CCDC134: variants seen among roughly 807,000 people sequenced by gnomAD.
CCDC134 encodes the protein coiled-coil domain containing 134.
In CCDC134, 27 loss-of-function variants were observed where a neutral mutation model predicts 25.6. That is an observed-to-expected ratio of 1.05 (90% CI 0.78 to 1.45). The LOEUF is 1.45. Ranked by LOEUF, CCDC134 falls within the 40% of genes most tolerant of loss-of-function variation. The pLI is 0.00. For missense variants in CCDC134, 261 were observed against 286.7 expected, an observed-to-expected ratio of 0.91 and a Z score of 0.65; for synonymous variants, 110 against 115.0, an observed-to-expected ratio of 0.96 and a Z score of 0.28.
At chr22:41,809,838 C>T in intron 2 of CCDC134, 41 bp from the exon 3 acceptor site, 1 of 1,612,270 alleles carries the variant, frequency 6.2e-7, no homozygotes, top group South Asian at 1.1e-5. Flanking sequence ...ATTGTCCAGG[C>T]AGGGCTATTG....
At chr22:41,804,621 G>C (rs1035177138) in intron 1 of CCDC134, among the ~76,000 whole-genome samples, 1 of 152,162 alleles carries the variant, frequency 6.6e-6, no homozygotes, top group Non-Finnish European at 1.5e-5. Flanking sequence ...TTACTTAACA[G>C]TCTTAAGGTT....
At chr22:41,820,445 G>A (rs558190510) in intron 6 of CCDC134, among the ~76,000 whole-genome samples, 48 of 152,286 alleles carry the variant, frequency 3.2e-4, no homozygotes, top group African/African-American at 9.1e-4. Context: ...GATTACAGGC[G>A]CAGACTTACC....
rs200799534 is a variant in CCDC134 at position 41,827,513 on chromosome 22, TA to T, written c.*1691del. 8.5e-3 allele frequency among the ~76,000 whole-genome samples: 1,299 copies of T among 152,244 alleles called. 15 individuals carry two copies. Among genetic ancestry groups the T allele is most frequent in the African/African-American group, 0.029 (1,196 of 41,522 alleles). ...TGAAGGGTTTTACTGAGAATGAAAG[TA>T]TACTCCACAGCATGGGAGAGGGCCT... On this transcript the variant is annotated 3_prime_UTR_variant, in exon 7 of 7. Coordinates refer to ENST00000255784, the MANE Select transcript of CCDC134 (RefSeq NM_024821.5).
intron 1 of CCDC134, 62 bp from the exon 2 acceptor site, chr22:41,808,813 A>C: frequency 7.7e-7 from 1 of 1,298,784 alleles, no homozygotes; most frequent in Non-Finnish European, 1.1e-6. Flanking sequence ...TCACCTGTGC[A>C]CTCTATTTTA....
In CCDC134 at chr22:41,831,866, G is replaced by T. The variant is rs926883354; in HGVS notation, c.*6043G>T. Reference sequence around the variant, plus strand: ...GAACCATTTGTTTCCCTGCCACAGAGATGTTCAATAAATATTGTCAATTGA... The same window carrying T: ...GAACCATTTGTTTCCCTGCCACAGATATGTTCAATAAATATTGTCAATTGA... On this transcript the variant is annotated 3_prime_UTR_variant, in exon 7 of 7. Transcript: ENST00000255784. 6.6e-6 allele frequency: 1 copy of T among 152,088 alleles called. No homozygotes were observed. The highest frequency in any genetic ancestry group is 1.5e-5 in the Non-Finnish European group (1 of 68,018). The allele number at this position is 152,088 out of a possible 1,614,324, so 9.4% of individuals were successfully genotyped here. A position where few individuals can be genotyped will look rare whatever the true frequency, so the allele number is the denominator to read the frequency against.
At chr22:41,802,654 C>G (rs1212639826) in intron 1 of CCDC134, among the ~76,000 whole-genome samples, 1 of 152,154 alleles carries the variant, frequency 6.6e-6, no homozygotes, top group African/African-American at 2.4e-5. Flanking sequence ...GTGGCTCACA[C>G]CTGTAATCCC....
rs746889442 is a variant in CCDC134, at chr22:41,808,888, G to T, written c.-3G>T. 348 of 1,613,174 alleles carry T rather than the reference G, an allele frequency of 2.2e-4. No individual in the cohort carries two copies. Among genetic ancestry groups the T allele is most frequent in the Non-Finnish European group, 2.9e-4 (342 of 1,179,216 alleles). ...TTATTCTTCCAGCTCAAGAGGTTTG[G>T]ATATGGACCTTCTTCAATTCCTGGC... On this transcript the variant is annotated 5_prime_UTR_variant, in exon 2 of 7. Coordinates refer to ENST00000255784, the MANE Select transcript of CCDC134 (RefSeq NM_024821.5).
chr22:41,806,137 TTAGAGAAG>T (rs1468509942), intron 1 of CCDC134, among the ~76,000 whole-genome samples: 3 of 152,058 alleles, frequency 2.0e-5, no homozygotes, highest in Admixed American at 6.6e-5. Context: ...GCAAATGCTC[TTAGAGAAG>T]AATCAGAACC....
intron 1 of CCDC134, 115 bp downstream of exon 1, chr22:41,800,881 C>T (rs1457182130): frequency 2.0e-5 from 3 of 152,264 alleles, no homozygotes; most frequent in African/African-American, 7.2e-5. Context: ...CTGGACGCCT[C>T]TGTTCCTTGA....
chr22:41,807,572 A>C (rs1056371740), intron 1 of CCDC134, among the ~76,000 whole-genome samples: 1 of 151,770 alleles, frequency 6.6e-6, no homozygotes, highest in Admixed American at 6.6e-5. Flanking sequence ...AAAAAAAAAA[A>C]AAAAAATTAC....
rs2076673202 is a variant in CCDC134 at position 41,825,636 on chromosome 22, T to C, written c.565-62T>C. On this transcript the variant is annotated intron_variant, in intron 6 of 6. Coordinates refer to ENST00000255784, the MANE Select transcript of CCDC134 (RefSeq NM_024821.5). This position sits in a 1 kb window ranked among gnomAD's most constrained non-coding sequence, Gnocchi z 4.4. ...CTATTCCCACACCCCGCTGGTGGCCTAGCTCAGAGCAGGCTCTTTGCTGCC... is the reference window on the plus strand; with the variant it reads ...CTATTCCCACACCCCGCTGGTGGCCCAGCTCAGAGCAGGCTCTTTGCTGCC... 3 of 1,602,842 alleles carry C rather than the reference T, an allele frequency of 1.9e-6. No homozygotes were observed. The highest frequency in any genetic ancestry group is 2.2e-5 in the South Asian group (2 of 90,124).
In CCDC134 at chr22:41,810,185, A is replaced by G. The variant is rs370344564; in HGVS notation, c.226-22A>G. 3.7e-6 allele frequency: 6 copies of G among 1,613,080 alleles called. No homozygotes were observed. The Admixed American group carries it at 5.0e-5, about 13-fold the overall frequency. On this transcript the variant is annotated intron_variant, in intron 3 of 6. Coordinates refer to ENST00000255784, the MANE Select transcript of CCDC134 (RefSeq NM_024821.5). ...TGTGATGGGCACTGCGAAGCCACTCAGCCCTGGCGGGATTCCCTCAGGTGC... is the reference window on the plus strand; with the variant it reads ...TGTGATGGGCACTGCGAAGCCACTCGGCCCTGGCGGGATTCCCTCAGGTGC...
rs528314214 is a variant in CCDC134, at chr22:41,825,353, GC to G, written c.565-344del. Among the ~76,000 whole-genome samples the G allele has an allele frequency of 9.3e-4, 142 of 152,046 alleles. 1 individual carries two copies. Among genetic ancestry groups the G allele is most frequent in the Admixed American group, 2.6e-3 (39 of 15,282 alleles). ...CCCTCCTCTCCTCCTGAAGGGTGCA[GC>G]AGGTGTGGGGCTCCCGGGTCTGTGG... is the stretch of plus-strand genomic sequence containing the variant. On this transcript the variant is annotated intron_variant, in intron 6 of 6. Coordinates refer to ENST00000255784, the MANE Select transcript of CCDC134 (RefSeq NM_024821.5). The surrounding 1 kb of genome is among the most constrained non-coding windows in gnomAD (Gnocchi z 4.4).
chr22:41,820,286 G>A (rs936202135), intron 6 of CCDC134, among the ~76,000 whole-genome samples: 4 of 151,110 alleles, frequency 2.6e-5, no homozygotes, highest in African/African-American at 7.3e-5. Context: ...GTGAGCCACC[G>A]CTCCCAGCCG....
chr22:41,823,381 C>T (rs1449356874), intron 6 of CCDC134, among the ~76,000 whole-genome samples: 1 of 151,994 alleles, frequency 6.6e-6, no homozygotes, highest in African/African-American at 2.4e-5. Flanking sequence ...CCCATCACCA[C>T]ACCTGACTAA....
Position 41,813,279 on chromosome 22 carries a change from T to A in CCDC134, c.326T>A (p.Val109Glu). 1 of 1,614,092 alleles carries A rather than the reference T, an allele frequency of 6.2e-7. No individual in the cohort carries two copies. Among genetic ancestry groups the A allele is most frequent in the Admixed American group, 1.7e-5 (1 of 60,006 alleles). Residue 109 changes from valine to glutamate, a missense_variant, in exon 5 of 7, where the codon GTG (valine) becomes GAG (glutamate). Coordinates refer to ENST00000255784, the MANE Select transcript of CCDC134 (RefSeq NM_024821.5). ...CTCTCGCCAGCTTTCTCCCACGTGG[T>A]GGAGAACACGGCCTTCTTCGGCGAT... ...EKLKDAFSHV[V>E]ENTAFFGDVV...
At chr22:41,814,841 G>C (rs958788743) in intron 6 of CCDC134, among the ~76,000 whole-genome samples, 37 of 152,202 alleles carry the variant, frequency 2.4e-4, no homozygotes, top group African/African-American at 8.7e-4. Context: ...GCCTGGTTGT[G>C]TTGGTTCATC....
rs1292232020 is a variant in CCDC134 at position 41,830,257 on chromosome 22, C to T, written c.*4434C>T. 1.3e-5 allele frequency among the ~76,000 whole-genome samples: 2 copies of T among 152,244 alleles called. No individual in the cohort carries two copies. The highest frequency in any genetic ancestry group is 4.8e-5 in the African/African-American group (2 of 41,456). The stretch of plus-strand genomic sequence containing the variant: ...AGTGCTTCCTGAGGTTCGGGTCCAG[C>T]CACCCTTCTTCCACCATTTCTACTG... On this transcript the variant is annotated 3_prime_UTR_variant, in exon 7 of 7. Transcript: ENST00000255784.
intron 4 of CCDC134, 120 bp from the exon 5 acceptor site, chr22:41,813,144 A>G: frequency 1.0e-6 from 1 of 974,892 alleles, no homozygotes; most frequent in Non-Finnish European, 1.6e-6. Context: ...GTCAGTAGGC[A>G]CTGTTCCTTC....
Sources: gnomAD v4.1 joint callset for allele counts (sites outside exome capture counted in the v4.1 genomes callset) on GRCh38, gnomAD v4.1.1 for gene constraint, Gnocchi (gnomAD v3.1) non-coding constraint, MANE v1.5 for transcripts, NCBI Gene and HGNC (gene_info 2026-07-23, HGNC 2026-07-21) for gene names.